PRPF8: variants seen among roughly 807,000 people sequenced by gnomAD.
PRPF8 encodes pre-mRNA-processing-splicing factor 8.
Under a neutral mutation model 285.9 loss-of-function variants are expected in PRPF8, and 64 were observed. The observed-to-expected ratio is 0.22, with a 90% CI of 0.18 to 0.28. The LOEUF (loss-of-function observed/expected upper bound fraction) is 0.28. Ranked by LOEUF, PRPF8 falls within the 10% of genes least tolerant of loss-of-function variation. The pLI, the probability that PRPF8 is intolerant of heterozygous loss-of-function variation, is 1.00. For missense variants in PRPF8, 1,426 were observed against 3,026.7 expected, an observed-to-expected ratio of 0.47 and a Z score of 12.41; for synonymous variants, 1,325 against 1,118.2, an observed-to-expected ratio of 1.18 and a Z score of -3.69.
At chr17:1,684,401 C>A in intron 2 of PRPF8, 71 bp downstream of exon 2, 1 of 1,510,634 alleles carries the variant, frequency 6.6e-7, no homozygotes, top group Non-Finnish European at 9.2e-7. Flanking sequence ...CGGGGAGGGT[C>A]CCCACCCGCC....
In PRPF8 at chr17:1,673,699, C is replaced by T. The variant is rs754645455; in HGVS notation, c.3446+47G>A. 5.6e-6 allele frequency: 9 copies of T among 1,613,268 alleles called. No individual in the cohort carries two copies. Among genetic ancestry groups the T allele is most frequent in the Non-Finnish European group, 7.6e-6 (9 of 1,179,866 alleles). On this transcript the variant is annotated intron_variant, in intron 22 of 42. Transcript: ENST00000304992. The surrounding 1 kb of genome is among the most constrained non-coding windows in gnomAD (Gnocchi z 5.5). ...AGCCTCAGGTATGCCCTCTCTGGGC[C>T]CTTAGCTTATGTCCTTCCAGCTCAC...
rs546579128 is a variant in PRPF8, at chr17:1,674,964, G to A, written c.3060+188C>T. Reference sequence around the variant, plus strand: ...TTTTTGTATTTTTTTAAGTAGAGACGGGGTTTCACCATGTTGGCCAGACTG... The same window carrying A: ...TTTTTGTATTTTTTTAAGTAGAGACAGGGTTTCACCATGTTGGCCAGACTG... On this transcript the variant is annotated intron_variant, in intron 20 of 42. Transcript: ENST00000304992. 7.2e-4 allele frequency among the ~76,000 whole-genome samples: 109 copies of A among 151,964 alleles called. 1 individual carries two copies. Among genetic ancestry groups the A allele is most frequent in the South Asian group, 3.1e-3 (15 of 4,780 alleles).
In PRPF8 at chr17:1,658,366, A is replaced by G. The variant is rs778379633; in HGVS notation, c.5392T>C (p.Leu1798=). The G allele has an allele frequency of 3.0e-4, 486 of 1,614,022 alleles. 3 individuals carry two copies. The highest frequency in any genetic ancestry group is 4.8e-5 in the Non-Finnish European group (57 of 1,180,046). Residue 1798 remains leucine (L), a synonymous_variant, in exon 34 of 43, where the codon TTG becomes CTG. Transcript: ENST00000304992. This position sits in a 1 kb window ranked among gnomAD's most constrained non-coding sequence, Gnocchi z 4.1. ...VTIHKTFEGN[L]TTKPINGAIF... ...GCTCCGTTGATGGGCTTGGTTGTCA[A>G]GTTCCCTTCAAAGGTCTAGAGGAGG...
Position 1,651,690 on chromosome 17 carries a change from G to C in PRPF8, c.6468C>G (p.Thr2156=), listed in dbSNP as rs376127387. The part of the protein sequence containing the change: ...VMVPQWGTHQ[T]VHLPGQLPQH... The stretch of plus-strand genomic sequence containing the variant: ...GGGGCAGCTGGCCAGGCAGGTGCAC[G>C]GTCTGGTGAGTGCCCCACTGCGGCA... The change falls in exon 40 of 43, where the codon ACC becomes ACG. Residue 2156 remains threonine (T), a synonymous_variant. Transcript: ENST00000304992. This position sits in a 1 kb window ranked among gnomAD's most constrained non-coding sequence, Gnocchi z 5.1. 8 of 1,614,040 alleles carry C rather than the reference G, an allele frequency of 5.0e-6. No individual in the cohort carries two copies. In the East Asian group the frequency reaches 1.1e-4, roughly 22 times the overall value.
chr17:1,680,687 C>T (rs1912867791), intron 8 of PRPF8, 39 bp downstream of exon 8: 4 of 1,562,496 alleles, frequency 2.6e-6, no homozygotes, highest in Middle Eastern at 3.4e-4. Context: ...CGCATTTCTC[C>T]TAGAAGAGCT....
In PRPF8 at chr17:1,651,334, T is replaced by A. The variant is rs770445016; in HGVS notation, c.6651-24A>T. The A allele has an allele frequency of 6.2e-7, 1 of 1,613,852 alleles. No individual in the cohort carries two copies. The highest frequency in any genetic ancestry group is 8.5e-7 in the Non-Finnish European group (1 of 1,179,934). ...AGCTGGGGGAGGAACGAGGACAGAG[T>A]AACAGCTCAGGCCACTGTTCTGGGC... On this transcript the variant is annotated intron_variant, in intron 41 of 42. Coordinates refer to ENST00000304992, the MANE Select transcript of PRPF8 (RefSeq NM_006445.4). The surrounding 1 kb of genome is among the most constrained non-coding windows in gnomAD (Gnocchi z 5.1).
chr17:1,659,216 G>A lies in PRPF8; in HGVS notation c.5138+141C>T. On this transcript the variant is annotated intron_variant, in intron 32 of 42. Coordinates refer to ENST00000304992, the MANE Select transcript of PRPF8 (RefSeq NM_006445.4). The surrounding 1 kb of genome is among the most constrained non-coding windows in gnomAD (Gnocchi z 5.1). Reference sequence around the variant, plus strand: ...AATTTTTTGTATTTTGGTAGAGACAGGGTTTCACCATGTTGCCCAGACTGG... The same window carrying A: ...AATTTTTTGTATTTTGGTAGAGACAAGGTTTCACCATGTTGCCCAGACTGG... The A allele has an allele frequency of 1.1e-6, 1 of 938,868 alleles. No homozygotes were observed. The highest frequency in any genetic ancestry group is 1.7e-6 in the Non-Finnish European group (1 of 594,338). The allele number at this position is 938,868 out of a possible 1,614,324, so 58.2% of individuals were successfully genotyped here.
intron 24 of PRPF8, chr17:1,672,857 A>G: frequency 3.3e-6 from 2 of 607,090 alleles, no homozygotes; most frequent in East Asian, 2.8e-5. Context: ...TAGAATCATC[A>G]CAAGTCCACA....
chr17:1,652,199 C>A lies in PRPF8; in HGVS notation c.6370-411G>T, dbSNP rs545290146. 1.2e-4 allele frequency: 41 copies of A among 335,062 alleles called. No homozygotes were observed. In the East Asian group the frequency reaches 3.2e-3, roughly 26 times the overall value. 20.8% of individuals were successfully genotyped at this position (335,062 alleles called of 1,614,324 possible). Reference sequence around the variant, plus strand: ...TCTGTTTACTATAAACTCACCCACACAGGATATTAACAATCTTTTCAAATT... The same window carrying A: ...TCTGTTTACTATAAACTCACCCACAAAGGATATTAACAATCTTTTCAAATT... On this transcript the variant is annotated intron_variant, in intron 39 of 42. Coordinates refer to ENST00000304992, the MANE Select transcript of PRPF8 (RefSeq NM_006445.4).
At position 1,656,411 on chromosome 17, in the gene PRPF8, TTGAGCCAGTCGTCATAGA is replaced by T. The variant is rs765727730; in HGVS notation, c.5756_5773del (p.Leu1919_Lys1925delinsGln). The T allele has an allele frequency of 6.2e-7, 1 of 1,614,222 alleles. No individual in the cohort carries two copies. The highest frequency in any genetic ancestry group is 8.5e-7 in the Non-Finnish European group (1 of 1,180,044). On this transcript the variant is annotated inframe_deletion, in exon 36 of 43. Coordinates refer to ENST00000304992, the MANE Select transcript of PRPF8 (RefSeq NM_006445.4). ...TCATACCGTGTAAGATGAAATAGTC[TTGAGCCAGTCGTCATAGA>T]GGTTGAAGAGAACCATCTGGGGCTC...
At chr17:1,678,979 T>C in intron 11 of PRPF8, 38 bp downstream of exon 11, 1 of 1,613,808 alleles carries the variant, frequency 6.2e-7, no homozygotes, top group Non-Finnish European at 8.5e-7. Context: ...CTGTCCGTCC[T>C]TGAAGCCCAG....
At chr17:1,677,520 T>C (rs1912667588) in intron 14 of PRPF8, 45 bp downstream of exon 14, 1 of 1,613,728 alleles carries the variant, frequency 6.2e-7, no homozygotes, top group East Asian at 2.2e-5. Flanking sequence ...GCAGGTACTT[T>C]TGAAGCAATA....
intron 24 of PRPF8, among the ~76,000 whole-genome samples, chr17:1,662,856 GAAAA>G (rs141240714): frequency 7.0e-6 from 1 of 142,316 alleles, no homozygotes; most frequent in Admixed American, 7.0e-5. Context: ...AAAAGAAAAA[GAAAA>G]AAAAAAGCAC....
chr17:1,680,233 A>G (rs1176372237), intron 8 of PRPF8, among the ~76,000 whole-genome samples: 1 of 152,220 alleles, frequency 6.6e-6, no homozygotes, highest in Admixed American at 6.5e-5. Context: ...TAGAATAGCC[A>G]AATCTATAGA....
At chr17:1,680,220 G>A (rs1912831240) in intron 8 of PRPF8, among the ~76,000 whole-genome samples, 1 of 152,224 alleles carries the variant, frequency 6.6e-6, no homozygotes, top group Non-Finnish European at 1.5e-5. Context: ...CATATGAAAT[G>A]TGTAGAATAG....
Position 1,684,367 on chromosome 17 carries a change from C to T in PRPF8, c.100+105G>A, listed in dbSNP as rs149946116. 1.1e-3 allele frequency: 1,236 copies of T among 1,100,066 alleles called. 1 individual carries two copies. The highest frequency in any genetic ancestry group is 1.6e-3 in the Admixed American group (85 of 52,544). 68.1% of individuals were successfully genotyped at this position (1,100,066 alleles called of 1,614,324 possible). On this transcript the variant is annotated intron_variant, in intron 2 of 42. Transcript: ENST00000304992. ...AAATTAACTGGAAATAACAAGGGAG[C>T]TGACACCTCAGGAGCTGCCCAAACG...
chr17:1,650,829 A>G lies in PRPF8; in HGVS notation c.6981T>C (p.Ser2327=). 1 of 1,614,152 alleles carries G rather than the reference A, an allele frequency of 6.2e-7. No individual in the cohort carries two copies. Among genetic ancestry groups the G allele is most frequent in the Non-Finnish European group, 8.5e-7 (1 of 1,180,030 alleles). The change falls in exon 43 of 43, where the codon TCT becomes TCC. Residue 2327 remains serine (S), a synonymous_variant. Coordinates refer to ENST00000304992, the MANE Select transcript of PRPF8 (RefSeq NM_006445.4). The stretch of plus-strand genomic sequence containing the variant: ...AGGCATACAGGTCCTCCCGATCCGC[A>G]GAGTAAACCTCCCCCTCCTGCAGGA... ...FALLQEGEVY[S]ADREDLYA
At position 1,651,127 on chromosome 17, in the gene PRPF8, C is replaced by T. The variant is rs147050234; in HGVS notation, c.6834G>A (p.Ser2278=). The change falls in exon 42 of 43, where the codon TCG becomes TCA. Residue 2278 remains serine, a synonymous_variant. Coordinates refer to ENST00000304992, the MANE Select transcript of PRPF8 (RefSeq NM_006445.4). This position sits in a 1 kb window ranked among gnomAD's most constrained non-coding sequence, Gnocchi z 5.1. The part of the protein sequence containing the change: ...LGFFMVPAQS[S]WNYNFMGVRH... The stretch of plus-strand genomic sequence containing the variant: ...ACTTACCCATGAAGTTGTAGTTCCA[C>T]GAGGACTGGGCAGGGACCATGAAGA... The T allele has an allele frequency of 1.1e-3, 1,743 of 1,614,128 alleles. 2 individuals are homozygous for T. Among genetic ancestry groups the T allele is most frequent in the Non-Finnish European group, 1.3e-3 (1,483 of 1,180,012 alleles).
chr17:1,671,947 T>C (rs1350301145), intron 24 of PRPF8, among the ~76,000 whole-genome samples: 11 of 151,050 alleles, frequency 7.3e-5, no homozygotes, highest in Non-Finnish European at 1.6e-4. Flanking sequence ...GGTGTGAGGA[T>C]CACTTGAGCT....
Sources: gnomAD v4.1 joint callset for allele counts (sites outside exome capture counted in the v4.1 genomes callset) on GRCh38, gnomAD v4.1.1 for gene constraint, Gnocchi (gnomAD v3.1) non-coding constraint, MANE v1.5 for transcripts, NCBI Gene and HGNC (gene_info 2026-07-23, HGNC 2026-07-21) for gene names.